ERO1B: variants seen among roughly 807,000 people sequenced by gnomAD.
ERO1B encodes endoplasmic reticulum oxidoreductase 1 beta, also known as ERO1-like protein beta.
ERO1B carries 49 observed loss-of-function variants against 75.3 expected under a neutral mutation model. That is an observed-to-expected ratio of 0.65 (90% confidence interval 0.52 to 0.83). The LOEUF is 0.83. Among genes scored for constraint, ERO1B ranks in the 40% least tolerant of loss-of-function variants. ERO1B has a pLI of 0.00. For synonymous variants in ERO1B, 191 were observed against 192.9 expected, an observed-to-expected ratio of 0.99 and a Z score of 0.08; for missense variants, 512 against 560.1, an observed-to-expected ratio of 0.91 and a Z score of 0.87.
At chr1:236,252,141 T>C in intron 3 of ERO1B, 50 bp from the exon 4 acceptor site, 1 of 1,286,708 alleles carries the variant, frequency 7.8e-7, no homozygotes, top group Non-Finnish European at 1.1e-6. Context: ...CTTTATTTTT[T>C]TTGGAATTTC....
intron 1 of ERO1B, among the ~76,000 whole-genome samples, chr1:236,272,161 C>G (rs2492374): frequency 6.6e-6 from 1 of 152,118 alleles, no homozygotes; most frequent in Non-Finnish European, 1.5e-5. Flanking sequence ...TATCAAAGAA[C>G]TAAAAGTAGA....
intron 2 of ERO1B, among the ~76,000 whole-genome samples, chr1:236,259,400 T>C (rs1256624717): frequency 6.6e-6 from 1 of 152,168 alleles, no homozygotes; most frequent in African/African-American, 2.4e-5. Context: ...AATGATTACT[T>C]TGAATGCAAA....
chr1:236,229,998 G>C (rs1358370979), intron 10 of ERO1B, among the ~76,000 whole-genome samples: 4 of 152,160 alleles, frequency 2.6e-5, no homozygotes, highest in Non-Finnish European at 5.9e-5. Context: ...AAAACCTGAT[G>C]ACAGTATTTG....
chr1:236,277,847 C>G (rs926587258), intron 1 of ERO1B, among the ~76,000 whole-genome samples: 2 of 152,170 alleles, frequency 1.3e-5, no homozygotes. Flanking sequence ...AATTTCAGTT[C>G]TAGAACTTCT....
At chr1:236,272,127 C>A (rs1238177383) in intron 1 of ERO1B, among the ~76,000 whole-genome samples, 1 of 152,066 alleles carries the variant, frequency 6.6e-6, no homozygotes, top group Non-Finnish European at 1.5e-5. Context: ...TAGTTCAACA[C>A]CTATGAAAAA....
intron 2 of ERO1B, among the ~76,000 whole-genome samples, chr1:236,268,664 A>T (rs1448399219): frequency 2.0e-5 from 3 of 151,978 alleles, no homozygotes; most frequent in Non-Finnish European, 4.4e-5. Context: ...AGGCGGGCGG[A>T]TCACAAGGTC....
At position 236,236,377 on chromosome 1, in the gene ERO1B, T is replaced by G; in HGVS notation, c.527A>C (p.Gln176Pro). The G allele has an allele frequency of 3.1e-6, 5 of 1,613,384 alleles. No homozygotes were observed. Among genetic ancestry groups the G allele is most frequent in the Non-Finnish European group, 4.2e-6 (5 of 1,179,582 alleles). Reference protein sequence around the residue: ...ELDDERSPAAQYVDLLLNPER... With the variant: ...ELDDERSPAAPYVDLLLNPER... ...TGGGTTCAGCAATAGGTCTACATAC[T>G]GAGCAGCTGGAGATCTCTCATCTGA... Residue 176 changes from glutamine (Q) to proline (P), a missense_variant, in exon 7 of 16, where the codon CAG becomes CCG. Transcript: ENST00000354619.
chr1:236,225,408 A>C (rs1435173523), intron 12 of ERO1B, among the ~76,000 whole-genome samples: 5 of 152,224 alleles, frequency 3.3e-5, no homozygotes, highest in African/African-American at 1.2e-4. Context: ...AACTGAAAAC[A>C]ATCTATGTAA....
intron 2 of ERO1B, among the ~76,000 whole-genome samples, chr1:236,263,151 T>C (rs1282087578): frequency 6.6e-6 from 1 of 152,198 alleles, no homozygotes; most frequent in Non-Finnish European, 1.5e-5. Context: ...ACTAAGCTCT[T>C]GTACACTTAT....
intron 1 of ERO1B, among the ~76,000 whole-genome samples, chr1:236,277,552 G>A (rs1219053888): frequency 6.6e-6 from 1 of 152,168 alleles, no homozygotes; most frequent in African/African-American, 2.4e-5. Context: ...TAACATACAA[G>A]TGAAGGGGCT....
intron 6 of ERO1B, 43 bp downstream of exon 6, chr1:236,243,379 G>A: frequency 7.7e-7 from 1 of 1,295,280 alleles, no homozygotes; most frequent in Non-Finnish European, 1.1e-6. Flanking sequence ...TTATAAAAGG[G>A]TTAAAGTTAA....
At chr1:236,226,058 T>TG (rs1404649635) in intron 12 of ERO1B, among the ~76,000 whole-genome samples, 1 of 152,248 alleles carries the variant, frequency 6.6e-6, no homozygotes, top group Non-Finnish European at 1.5e-5. Flanking sequence ...TTCTCAAGTG[T>TG]GAAAATTTCT....
intron 2 of ERO1B, among the ~76,000 whole-genome samples, chr1:236,258,393 A>G (rs1665215249): frequency 6.6e-6 from 1 of 152,206 alleles, no homozygotes; most frequent in Admixed American, 6.5e-5. Flanking sequence ...AGATTCAAAA[A>G]GCTGAAAGAA....
At chr1:236,220,793 A>C (rs774921054) in intron 15 of ERO1B, 39 bp downstream of exon 15, 41 of 1,502,196 alleles carry the variant, frequency 2.7e-5, no homozygotes, top group Non-Finnish European at 3.5e-5. Context: ...TTGAAACCCA[A>C]TGGGAAATCA....
intron 10 of ERO1B, among the ~76,000 whole-genome samples, chr1:236,229,536 A>G (rs886558199): frequency 6.6e-6 from 1 of 152,108 alleles, no homozygotes; most frequent in Admixed American, 6.5e-5. Context: ...TGAAATATCA[A>G]TTTTCCTATG....
rs1206724439 is a variant in ERO1B, at chr1:236,226,532, A to G, written c.806-17T>C. 6.2e-7 allele frequency: 1 copy of G among 1,604,284 alleles called. No individual in the cohort carries two copies. The highest frequency in any genetic ancestry group is 8.5e-7 in the Non-Finnish European group (1 of 1,177,588). ...CCCAGGTTTCTAAAGAGAAAGAGAA[A>G]TACATTACATTGTTTTAGTAAACAG... On this transcript the variant is annotated splice_polypyrimidine_tract_variant and intron_variant, in intron 11 of 15. Transcript: ENST00000354619.
rs188108164 is a variant in ERO1B at position 236,271,771 on chromosome 1, T to C, written c.103-1777A>G. Among the ~76,000 whole-genome samples the C allele has an allele frequency of 1.9e-3, 285 of 152,112 alleles. 4 individuals carry two copies. The highest frequency in any genetic ancestry group is 6.3e-3 in the African/African-American group (260 of 41,512). ...CCCTAAAGGTAGAAATAAATCTTGT[T>C]TTTGTTTTGTTATCAATTTTTCCTT... On this transcript the variant is annotated intron_variant, in intron 1 of 15. Coordinates refer to ENST00000354619, the MANE Select transcript of ERO1B (RefSeq NM_019891.4).
At chr1:236,229,005 G>T (rs1664338358) in intron 10 of ERO1B, among the ~76,000 whole-genome samples, 1 of 152,160 alleles carries the variant, frequency 6.6e-6, no homozygotes, top group African/African-American at 2.4e-5. Context: ...TATCTTTAGA[G>T]TAGAGCTTAT....
intron 4 of ERO1B, chr1:236,251,416 T>C (rs1467416458): frequency 1.2e-6 from 1 of 856,048 alleles, no homozygotes; most frequent in African/African-American, 1.8e-5. Context: ...TATGGTTTTA[T>C]TTATTTCAGA....
Sources: allele counts gnomAD v4.1 joint callset (sites outside exome capture counted in the v4.1 genomes callset), GRCh38; gene constraint gnomAD v4.1.1; transcripts MANE v1.5; gene names NCBI Gene and HGNC (gene_info 2026-07-23, HGNC 2026-07-21).